HYCC2: variants seen among roughly 807,000 people sequenced by gnomAD.
HYCC2 encodes hyccin 2.
the HYCC2 span, among the ~76,000 whole-genome samples, chr2:201,010,804 A>T: frequency 6.6e-6 from 1 of 151,852 alleles, no homozygotes; most frequent in Non-Finnish European, 1.5e-5. Flanking sequence ...AAAATATTTT[A>T]AAAATTAAAG....
chr2:201,065,628 G>A, the HYCC2 span, among the ~76,000 whole-genome samples: 3 of 152,224 alleles, frequency 2.0e-5, no homozygotes, highest in Admixed American at 6.5e-5. Context: ...GAAAGAGTAA[G>A]AAGGTAAAGT....
chr2:201,043,651 G>A, the HYCC2 span, among the ~76,000 whole-genome samples: 122 of 151,804 alleles, frequency 8.0e-4, no homozygotes, highest in Admixed American at 1.7e-3. Context: ...TGGGACTACA[G>A]GCGCCTGCCA....
the HYCC2 span, among the ~76,000 whole-genome samples, chr2:200,999,930 C>T: frequency 6.0e-5 from 9 of 150,652 alleles, no homozygotes; most frequent in South Asian, 4.2e-4. Flanking sequence ...TGGTGGCGCG[C>T]GCCTGTAGTC....
chr2:200,993,078 T>A, the HYCC2 span: 2 of 970,302 alleles, frequency 2.1e-6, no homozygotes, highest in African/African-American at 3.2e-5. Flanking sequence ...CTAAATTCAT[T>A]TATTCAATTT....
chr2:200,981,374 G>A, the HYCC2 span: 2 of 1,614,156 alleles, frequency 1.2e-6, no homozygotes, highest in Non-Finnish European at 8.5e-7. The surrounding 1 kb of genome is among the most constrained non-coding windows in gnomAD (Gnocchi z 4.5). Flanking sequence ...GCTTGACCTA[G>A]CCGGTCTTCC....
chr2:201,046,019 G>A, the HYCC2 span, among the ~76,000 whole-genome samples: 21 of 152,052 alleles, frequency 1.4e-4, no homozygotes, highest in Middle Eastern at 6.8e-3. Context: ...CATTAAAATC[G>A]TAATATGCAG....
At chr2:201,003,805 C>CTTTTTTTT in the HYCC2 span, among the ~76,000 whole-genome samples, 7 of 66,360 alleles carry the variant, frequency 1.1e-4, no homozygotes, top group Admixed American at 2.1e-4. Flanking sequence ...GTTGTTGTTG[C>CTTTTTTTT]TTTTTTTTTT....
At chr2:200,999,152 C>T in the HYCC2 span, among the ~76,000 whole-genome samples, 1 of 152,098 alleles carries the variant, frequency 6.6e-6, no homozygotes, top group Non-Finnish European at 1.5e-5. Context: ...AGAGTTGTTT[C>T]TAGGGAATTT....
chr2:201,026,773 A>G, the HYCC2 span, among the ~76,000 whole-genome samples: 2 of 152,232 alleles, frequency 1.3e-5, no homozygotes, highest in Non-Finnish European at 2.9e-5. Context: ...CAATGAGAAC[A>G]AAGACACAAC....
chr2:201,009,370 G>C, the HYCC2 span: 1 of 250,378 alleles, frequency 4.0e-6, no homozygotes, highest in Admixed American at 4.8e-5. Context: ...AAAAACTAAA[G>C]GTTAAAAATA....
chr2:201,037,297 G>A, the HYCC2 span, among the ~76,000 whole-genome samples: 5 of 152,156 alleles, frequency 3.3e-5, no homozygotes, highest in Non-Finnish European at 5.9e-5. Context: ...AATCAATATC[G>A]TGAAAATGGC....
the HYCC2 span, among the ~76,000 whole-genome samples, chr2:200,994,687 G>C: frequency 6.6e-6 from 1 of 151,968 alleles, no homozygotes; most frequent in African/African-American, 2.4e-5. Flanking sequence ...ACTAAACTCC[G>C]CCATCATTTT....
chr2:200,988,258 T>G, the HYCC2 span: 1 of 1,602,432 alleles, frequency 6.2e-7, no homozygotes, highest in Non-Finnish European at 8.5e-7. Context: ...GATTTTGTAC[T>G]CACCTTCTCT....
At chr2:200,988,126 T>TTTC in the HYCC2 span, 18 of 558,484 alleles carry the variant, frequency 3.2e-5, no homozygotes, top group Middle Eastern at 1.6e-3. Context: ...TTTAGTCACA[T>TTTC]TTCTAGTGAT....
the HYCC2 span, among the ~76,000 whole-genome samples, chr2:201,058,435 G>A: frequency 7.2e-5 from 11 of 152,238 alleles, no homozygotes; most frequent in Admixed American, 2.6e-4. Flanking sequence ...ATTAGGCCCA[G>A]CACAGCGGCT....
chr2:201,017,915 A>T, the HYCC2 span, among the ~76,000 whole-genome samples: 13 of 152,172 alleles, frequency 8.5e-5, no homozygotes, highest in Non-Finnish European at 5.9e-5. Context: ...ATTCCATTTT[A>T]AAAAAACTTA....
the HYCC2 span, chr2:201,063,792 G>A: frequency 5.7e-6 from 9 of 1,591,262 alleles, no homozygotes; most frequent in African/African-American, 1.1e-4. Flanking sequence ...CGTGGTGGTG[G>A]TGGATATGAT....
At chr2:201,013,102 A>C in the HYCC2 span, among the ~76,000 whole-genome samples, 1 of 152,124 alleles carries the variant, frequency 6.6e-6, no homozygotes, top group Admixed American at 6.5e-5. Flanking sequence ...CATAAAATCC[A>C]TAGAAAGAAG....
chr2:201,017,201 T>C, the HYCC2 span: 1 of 1,554,914 alleles, frequency 6.4e-7, no homozygotes, highest in East Asian at 2.3e-5. Flanking sequence ...ACTGGTCATT[T>C]CAATTCTTTT....
Sources: gnomAD v4.1 joint callset for allele counts (sites outside exome capture counted in the v4.1 genomes callset) on GRCh38, gnomAD v4.1.1 for gene constraint, Gnocchi (gnomAD v3.1) non-coding constraint, MANE v1.5 for transcripts, NCBI Gene and HGNC (gene_info 2026-07-23, HGNC 2026-07-21) for gene names.